Variants in ADSS2 observed in about 807,000 individuals in gnomAD.
ADSS2 encodes adenylosuccinate synthetase isozyme 2.
A neutral mutation model predicts 60.0 loss-of-function variants in ADSS2; 30 were observed. The observed-to-expected ratio is 0.50, with a 90% confidence interval of 0.37 to 0.68. The LOEUF is 0.68. Among genes scored for constraint, ADSS2 ranks in the 30% least tolerant of loss-of-function variants. The probability of loss-of-function intolerance (pLI) is 0.00; values close to 1 mark genes in which losing one functional copy is unlikely to be tolerated. For missense variants in ADSS2, 373 were observed against 554.8 expected, an observed-to-expected ratio of 0.67 and a Z score of 3.29; for synonymous variants, 187 against 193.1, an observed-to-expected ratio of 0.97 and a Z score of 0.26.
At chr1:244,428,477 T>TAGAAA (rs560086837) in intron 4 of ADSS2, among the ~76,000 whole-genome samples, 55 of 145,932 alleles carry the variant, frequency 3.8e-4, no homozygotes, top group Non-Finnish European at 7.6e-4. Flanking sequence ...ATGCTTACAT[T>TAGAAA]AGAAAAGAAA....
rs60713784 is a variant in ADSS2, at chr1:244,418,344, C to T, written c.945+416G>A. Reference sequence around the variant, plus strand: ...GTTGACTTTATTTTATCTTTTGAGACAGAGTCTCGCTCTGTTGCGCCGGCT... The same window carrying T: ...GTTGACTTTATTTTATCTTTTGAGATAGAGTCTCGCTCTGTTGCGCCGGCT... On this transcript the variant is annotated intron_variant, in intron 9 of 12. Transcript: ENST00000366535. Among the ~76,000 whole-genome samples, 550 of 152,276 alleles carry T rather than the reference C, an allele frequency of 3.6e-3. 8 individuals are homozygous for T. Among genetic ancestry groups the T allele is most frequent in the African/African-American group, 0.013 (529 of 41,558 alleles).
chr1:244,449,029 A>G (rs904634972), intron 1 of ADSS2, among the ~76,000 whole-genome samples: 1 of 152,194 alleles, frequency 6.6e-6, no homozygotes, highest in Non-Finnish European at 1.5e-5. Context: ...AAATTAAGGC[A>G]GCAGTAGTGG....
chr1:244,432,475 CTAAA>C lies in ADSS2; in HGVS notation c.406+66_406+69del, dbSNP rs1329350166. 253 of 1,158,824 alleles carry C rather than the reference CTAAA, an allele frequency of 2.2e-4. No homozygotes were observed. The East Asian group carries it at 5.3e-3, about 24-fold the overall frequency. The allele number at this position is 1,158,824 out of a possible 1,614,324, so 71.8% of individuals were successfully genotyped here. A position where few individuals can be genotyped will look rare whatever the true frequency, so the allele number is the denominator to read the frequency against. On this transcript the variant is annotated intron_variant, in intron 4 of 12. Coordinates refer to ENST00000366535, the MANE Select transcript of ADSS2 (RefSeq NM_001126.5). ...TAAAAATAAAAGACAAAATTAGTTA[CTAAA>C]TACTTTCATTTGATAAATTTCAGAT... is the stretch of plus-strand genomic sequence containing the variant.
Position 244,451,539 on chromosome 1 carries a change from G to C in ADSS2, c.183+96C>G. 7.4e-7 allele frequency: 1 copy of C among 1,357,294 alleles called. No homozygotes were observed. 84.1% of individuals were successfully genotyped at this position (1,357,294 alleles called of 1,614,324 possible). A position where few individuals can be genotyped will look rare whatever the true frequency, so the allele number is the denominator to read the frequency against. On this transcript the variant is annotated intron_variant, in intron 1 of 12. Coordinates refer to ENST00000366535, the MANE Select transcript of ADSS2 (RefSeq NM_001126.5). This position sits in a 1 kb window ranked among gnomAD's most constrained non-coding sequence, Gnocchi z 6.6. ...TCAAGGTGACACCTCATTTTGGCCA[G>C]TGGATCCGGGTTCTGGGTCCGAGTT...
chr1:244,441,913 G>A (rs932307623), intron 1 of ADSS2, among the ~76,000 whole-genome samples: 3 of 152,042 alleles, frequency 2.0e-5, no homozygotes, highest in Admixed American at 6.6e-5. Context: ...CCGAGATCAC[G>A]CCACTGCACT....
At chr1:244,440,434 A>T (rs56070004) in intron 1 of ADSS2, among the ~76,000 whole-genome samples, 10,064 of 152,122 alleles carry the variant, frequency 0.066, 780 homozygotes, top group East Asian at 0.42. Context: ...CATATATTTT[A>T]AAAAACAACT....
chr1:244,415,377 A>G (rs961288158), intron 11 of ADSS2, among the ~76,000 whole-genome samples: 5 of 152,242 alleles, frequency 3.3e-5, no homozygotes, highest in African/African-American at 1.2e-4. Context: ...TAAGACAAGG[A>G]AAGATAATAT....
chr1:244,411,924 A>C (rs1346308031), intron 11 of ADSS2, among the ~76,000 whole-genome samples: 1 of 152,194 alleles, frequency 6.6e-6, no homozygotes, highest in Non-Finnish European at 1.5e-5. Flanking sequence ...ATGGAAACTG[A>C]ACATGTACTA....
intron 4 of ADSS2, among the ~76,000 whole-genome samples, chr1:244,428,770 A>C (rs1353128323): frequency 6.6e-6 from 1 of 152,156 alleles, no homozygotes; most frequent in African/African-American, 2.4e-5. Context: ...AAAAGTTACC[A>C]ATAATTTCAT....
Position 244,422,920 on chromosome 1 carries a change from A to G in ADSS2, c.582-4T>C, listed in dbSNP as rs374379621. 1 of 1,533,658 alleles carries G rather than the reference A, an allele frequency of 6.5e-7. No homozygotes were observed. The highest frequency in any genetic ancestry group is 1.7e-5 in the Admixed American group (1 of 58,788). On this transcript the variant is annotated splice_region_variant and splice_polypyrimidine_tract_variant and intron_variant, in intron 6 of 12. Coordinates refer to ENST00000366535, the MANE Select transcript of ADSS2 (RefSeq NM_001126.5). ...TTGGTTAGCTAGAACTTTAAACCTG[A>G]GAAACACAGATAAATCAAGACATTA...
intron 4 of ADSS2, 88 bp downstream of exon 4, chr1:244,432,456 TA>T: frequency 1.0e-6 from 1 of 997,494 alleles, no homozygotes; most frequent in Non-Finnish European, 1.5e-6. Flanking sequence ...TAAATAAAAA[TA>T]AAAGACAAAA....
At chr1:244,426,800 G>A (rs768206041) in intron 4 of ADSS2, among the ~76,000 whole-genome samples, 248 of 152,090 alleles carry the variant, frequency 1.6e-3, no homozygotes, top group South Asian at 2.5e-3. Context: ...CCTCCAAACT[G>A]CCTGCCATTG....
At chr1:244,445,424 G>T (rs1437000878) in intron 1 of ADSS2, among the ~76,000 whole-genome samples, 1 of 152,160 alleles carries the variant, frequency 6.6e-6, no homozygotes, top group African/African-American at 2.4e-5. Flanking sequence ...TGATATAATA[G>T]TATTTAGTTA....
chr1:244,441,386 G>A (rs746294361), intron 1 of ADSS2, among the ~76,000 whole-genome samples: 43 of 152,056 alleles, frequency 2.8e-4, no homozygotes, highest in Non-Finnish European at 5.0e-4. Flanking sequence ...TAACTCACAG[G>A]ATAATTCTTA....
chr1:244,444,642 A>C (rs1665341982), intron 1 of ADSS2, among the ~76,000 whole-genome samples: 1 of 151,990 alleles, frequency 6.6e-6, no homozygotes, highest in Admixed American at 6.6e-5. Flanking sequence ...AGAAACAAAA[A>C]GCAGGACTAA....
intron 1 of ADSS2, among the ~76,000 whole-genome samples, chr1:244,444,442 G>A (rs1295305844): frequency 3.5e-5 from 5 of 141,818 alleles, no homozygotes; most frequent in African/African-American, 5.3e-5. Context: ...GTGAACCCGG[G>A]AGGCGGAGCT....
chr1:244,445,163 G>C (rs776458904), intron 1 of ADSS2, among the ~76,000 whole-genome samples: 4 of 152,120 alleles, frequency 2.6e-5, no homozygotes, highest in Non-Finnish European at 4.4e-5. Context: ...CCAGGAGCAG[G>C]CTTCATCTCA....
chr1:244,449,146 G>C (rs1665470135), intron 1 of ADSS2, among the ~76,000 whole-genome samples: 2 of 152,166 alleles, frequency 1.3e-5, no homozygotes, highest in South Asian at 4.2e-4. Context: ...CTTAAGCGCT[G>C]TTAAGAGTGA....
At chr1:244,445,638 C>T (rs961766884) in intron 1 of ADSS2, among the ~76,000 whole-genome samples, 2 of 141,588 alleles carry the variant, frequency 1.4e-5, no homozygotes, top group Non-Finnish European at 3.1e-5. Flanking sequence ...TCCAAAGGTC[C>T]AGGGGAGGTT....
Sources: gnomAD v4.1 joint callset for allele counts (sites outside exome capture counted in the v4.1 genomes callset) on GRCh38, gnomAD v4.1.1 for gene constraint, Gnocchi (gnomAD v3.1) non-coding constraint, MANE v1.5 for transcripts, NCBI Gene and HGNC (gene_info 2026-07-23, HGNC 2026-07-21) for gene names.